Variants in SFRP5 observed in about 807,000 individuals in gnomAD.
SFRP5 encodes secreted frizzled related protein 5.
SFRP5 carries 22 observed loss-of-function variants against 27.0 expected under a neutral mutation model. The observed-to-expected ratio is 0.82, with a 90% CI of 0.58 to 1.17. The LOEUF (loss-of-function observed/expected upper bound fraction) is 1.17. SFRP5 is among the 50% of genes most tolerant of loss of function. The pLI is 0.00. For synonymous variants in SFRP5, 171 were observed against 195.0 expected (o/e 0.88, Z 1.03); for missense variants, 406 against 436.6 (o/e 0.93, Z 0.63).
At chr10:97,770,032 C>G (rs927577758) in intron 1 of SFRP5, among the ~76,000 whole-genome samples, 8 of 152,196 alleles carry the variant, frequency 5.3e-5, no homozygotes, top group Admixed American at 2.0e-4. Context: ...TAAATTTTAT[C>G]TCCTCTCATC....
chr10:97,769,333 G>C (rs2049503057), intron 2 of SFRP5, among the ~76,000 whole-genome samples: 1 of 152,182 alleles, frequency 6.6e-6, no homozygotes, highest in South Asian at 2.1e-4. Flanking sequence ...TCCATCTCTG[G>C]GCTAAGCCTG....
In SFRP5 at chr10:97,769,689, G is replaced by T; in HGVS notation, c.586C>A (p.Gln196Lys). Residue 196 changes from glutamine to lysine, a missense_variant, in exon 2 of 3, where the codon CAG becomes AAG. Transcript: ENST00000266066. ...MEHSADGLMEQMCSSDFVVKM... is the reference protein window; with the variant it reads ...MEHSADGLMEKMCSSDFVVKM... The stretch of plus-strand genomic sequence containing the variant: ...TCACCAAAGTCACTGGAGCACATCT[G>T]CTCCATGAGGCCGTCAGCACTGTGC... The T allele has an allele frequency of 6.2e-7, 1 of 1,612,910 alleles. No individual in the cohort carries two copies. The highest frequency in any genetic ancestry group is 8.5e-7 in the Non-Finnish European group (1 of 1,179,444).
rs2049493123 is a variant in SFRP5, at chr10:97,767,707, G to A, written c.761C>T (p.Pro254Leu). 6.2e-7 allele frequency: 1 copy of A among 1,613,856 alleles called. No homozygotes were observed. The highest frequency in any genetic ancestry group is 1.3e-5 in the African/African-American group (1 of 74,928). Reference sequence around the variant, plus strand: ...CGCCAGGCTGTCCAGCTGTGGGCAGGGGCAGCCCGCGCCATTCTTCATGTG... The same window carrying A: ...CGCCAGGCTGTCCAGCTGTGGGCAGAGGCAGCCCGCGCCATTCTTCATGTG... ...VLHMKNGAGC[P>L]CPQLDSLAGS... Residue 254 changes from proline to leucine, a missense_variant, in exon 3 of 3, where the codon CCC becomes CTC. Transcript: ENST00000266066.
At chr10:97,768,122 C>G (rs542007884) in intron 2 of SFRP5, among the ~76,000 whole-genome samples, 1 of 152,182 alleles carries the variant, frequency 6.6e-6, no homozygotes, top group East Asian at 1.9e-4. Flanking sequence ...CTGCGTGAAT[C>G]GAGAGTCCAA....
At chr10:97,769,636 C>T (rs780490542) in intron 2 of SFRP5, 32 bp downstream of exon 2, 44 of 1,498,788 alleles carry the variant, frequency 2.9e-5, no homozygotes, top group South Asian at 2.4e-4. Flanking sequence ...GGGGTGATGT[C>T]GGGGCAGTGG....
chr10:97,770,637 C>G (rs555691837), intron 1 of SFRP5, among the ~76,000 whole-genome samples: 1 of 152,300 alleles, frequency 6.6e-6, no homozygotes, highest in South Asian at 2.1e-4. Flanking sequence ...TCAGTGAAGT[C>G]AAGCAACTTG....
rs2136471715 is a variant in SFRP5 at position 97,767,824 on chromosome 10, T to C, written c.644A>G (p.Asn215Ser). Residue 215 changes from asparagine to serine, a missense_variant, in exon 3 of 3, where the codon AAT (asparagine) becomes AGT (serine). Transcript: ENST00000266066. ...GGCTCCAATCAGCTTCCGGTCCCCA[T>C]TCTCTATCTTGATCTCCTTGATGCG... ...KMRIKEIKIE[N>S]GDRKLIGAQK... 3 of 1,533,908 alleles carry C rather than the reference T, an allele frequency of 2.0e-6. 1 individual carries two copies. In the East Asian group the frequency reaches 6.8e-5, roughly 35 times the overall value.
At position 97,771,182 on chromosome 10, in the gene SFRP5, G is replaced by A; in HGVS notation, c.529+123C>T. ...TTCCGGGGACGCTGGGCTGAGCTAGGACAGCGTGTGTGTGTGTGTGTGGGC... is the reference window on the plus strand; with the variant it reads ...TTCCGGGGACGCTGGGCTGAGCTAGAACAGCGTGTGTGTGTGTGTGTGGGC... On this transcript the variant is annotated intron_variant, in intron 1 of 2. Coordinates refer to ENST00000266066, the MANE Select transcript of SFRP5 (RefSeq NM_003015.3). This position sits in a 1 kb window ranked among gnomAD's most constrained non-coding sequence, Gnocchi z 5.2. The A allele has an allele frequency of 1.6e-6, 1 of 632,924 alleles. No individual in the cohort carries two copies. The allele number at this position is 632,924 out of a possible 1,614,324, so 39.2% of individuals were successfully genotyped here. A position where few individuals can be genotyped will look rare whatever the true frequency, so the allele number is the denominator to read the frequency against.
chr10:97,769,389 G>C (rs2136472533), intron 2 of SFRP5, among the ~76,000 whole-genome samples: 1 of 152,360 alleles, frequency 6.6e-6, no homozygotes, highest in South Asian at 2.1e-4. Flanking sequence ...CTCTGAAAAT[G>C]ACACCAAGGG....
At position 97,771,415 on chromosome 10, in the gene SFRP5, T is replaced by A; in HGVS notation, c.419A>T (p.Glu140Val). Reference sequence around the variant, plus strand: ...CTCAGGCCAGGGGAAGCCGTAGGCCTCCATGAGCGGCGCGCAGCCGGCGCG... The same window carrying A: ...CTCAGGCCAGGGGAAGCCGTAGGCCACCATGAGCGGCGCGCAGCCGGCGCG... ...AVRAGCAPLMEAYGFPWPEML... is the reference protein window; with the variant it reads ...AVRAGCAPLMVAYGFPWPEML... Residue 140 changes from glutamate to valine, a missense_variant, in exon 1 of 3, where the codon GAG (glutamate) becomes GTG (valine). Coordinates refer to ENST00000266066, the MANE Select transcript of SFRP5 (RefSeq NM_003015.3). The surrounding 1 kb of genome is among the most constrained non-coding windows in gnomAD (Gnocchi z 5.2). 3 of 1,612,974 alleles carry A rather than the reference T, an allele frequency of 1.9e-6. No individual in the cohort carries two copies. The highest frequency in any genetic ancestry group is 2.5e-6 in the Non-Finnish European group (3 of 1,179,548).
At chr10:97,767,922 G>T in intron 2 of SFRP5, 62 bp from the exon 3 acceptor site, 1 of 1,292,284 alleles carries the variant, frequency 7.7e-7, no homozygotes, top group Non-Finnish European at 1.1e-6. Flanking sequence ...ATGCTGGTGG[G>T]CACAGAGTTG....
Position 97,767,519 on chromosome 10 carries a change from G to A in SFRP5, c.949C>T (p.His317Tyr). The change falls in exon 3 of 3, where the codon CAC (histidine) becomes TAC (tyrosine). Residue 317 changes from histidine to tyrosine, a missense_variant. Transcript: ENST00000266066. The stretch of plus-strand genomic sequence containing the variant: ...AGGGCAAGGAGGAGTGCCCTTCAGT[G>A]GGGCTCTGCCGCCCCGTAGAAGAAA... Reference protein sequence around the residue: ...YPFFYGAAEPH With the variant: ...YPFFYGAAEPY The A allele has an allele frequency of 6.2e-7, 1 of 1,601,354 alleles. No individual in the cohort carries two copies. The highest frequency in any genetic ancestry group is 8.5e-7 in the Non-Finnish European group (1 of 1,173,338).
chr10:97,771,779 G>T lies in SFRP5; in HGVS notation c.55C>A (p.Leu19Met). The T allele has an allele frequency of 6.8e-7, 1 of 1,464,230 alleles. No individual in the cohort carries two copies. Among genetic ancestry groups the T allele is most frequent in the Non-Finnish European group, 9.0e-7 (1 of 1,112,398 alleles). 90.7% of individuals were successfully genotyped at this position (1,464,230 alleles called of 1,614,324 possible). The change falls in exon 1 of 3, where the codon CTG (leucine) becomes ATG (methionine). Residue 19 changes from leucine to methionine, a missense_variant. Transcript: ENST00000266066. This position sits in a 1 kb window ranked among gnomAD's most constrained non-coding sequence, Gnocchi z 5.2. ...GVRTAALALL[L>M]GALHWAPARC... ...GCCGGCGCCCAGTGCAGCGCCCCCA[G>T]CAGCAGCGCCAGCGCGGCCGTCCGC...
intron 2 of SFRP5, among the ~76,000 whole-genome samples, chr10:97,768,136 C>G (rs138444240): frequency 4.6e-5 from 7 of 152,202 alleles, no homozygotes; most frequent in African/African-American, 1.7e-4. Flanking sequence ...AGTCCAAGCC[C>G]TTCTGAGACA....
intron 2 of SFRP5, 120 bp downstream of exon 2, chr10:97,769,548 A>G (rs2049504251): frequency 2.9e-6 from 2 of 690,534 alleles, no homozygotes; most frequent in Admixed American, 4.6e-5. Context: ...AACGGGAGCC[A>G]TGATGCAAAA....
Position 97,767,828 on chromosome 10 carries a change from C to T in SFRP5, c.640G>A (p.Glu214Lys). 1 of 1,530,520 alleles carries T rather than the reference C, an allele frequency of 6.5e-7. No individual in the cohort carries two copies. The highest frequency in any genetic ancestry group is 8.8e-7 in the Non-Finnish European group (1 of 1,142,772). The allele number at this position is 1,530,520 out of a possible 1,614,324, so 94.8% of individuals were successfully genotyped here. A position where few individuals can be genotyped will look rare whatever the true frequency, so the allele number is the denominator to read the frequency against. The change falls in exon 3 of 3, where the codon GAG (glutamate) becomes AAG (lysine). Residue 214 changes from glutamate (E) to lysine (K), a missense_variant. Transcript: ENST00000266066. ...CCAATCAGCTTCCGGTCCCCATTCTCTATCTTGATCTCCTTGATGCGCATT... is the reference window on the plus strand; with the variant it reads ...CCAATCAGCTTCCGGTCCCCATTCTTTATCTTGATCTCCTTGATGCGCATT... Reference protein sequence around the residue: ...VKMRIKEIKIENGDRKLIGAQ... With the variant: ...VKMRIKEIKIKNGDRKLIGAQ...
chr10:97,771,928 A>C lies in SFRP5; in HGVS notation c.-95T>G. ...GGCGTGCGCCCCCGGCCCTGACTCTACCCAGCCGCCGCCGCCGCCGCCGCG... is the reference window on the plus strand; with the variant it reads ...GGCGTGCGCCCCCGGCCCTGACTCTCCCCAGCCGCCGCCGCCGCCGCCGCG... On this transcript the variant is annotated 5_prime_UTR_variant, in exon 1 of 3. Coordinates refer to ENST00000266066, the MANE Select transcript of SFRP5 (RefSeq NM_003015.3). This position sits in a 1 kb window ranked among gnomAD's most constrained non-coding sequence, Gnocchi z 5.2. 2.3e-6 allele frequency: 2 copies of C among 867,214 alleles called. No homozygotes were observed. The highest frequency in any genetic ancestry group is 1.2e-4 in the East Asian group (1 of 8,594). The allele number at this position is 867,214 out of a possible 1,614,324, so 53.7% of individuals were successfully genotyped here.
rs1445768132 is a variant in SFRP5, at chr10:97,767,643, C to T, written c.825G>A (p.Gln275=). ...FLVMGRKVDG[Q]LLLMAVYRWD... is the part of the protein sequence containing the mutation. ...AGCGGTAGACGGCCATGAGCAGCAGCTGTCCATCCACTTTGCGGCCCATGA... is the reference window on the plus strand; with the variant it reads ...AGCGGTAGACGGCCATGAGCAGCAGTTGTCCATCCACTTTGCGGCCCATGA... The change falls in exon 3 of 3, where the codon CAG becomes CAA. Residue 275 remains glutamine, a synonymous_variant. Coordinates refer to ENST00000266066, the MANE Select transcript of SFRP5 (RefSeq NM_003015.3). 1 of 1,613,956 alleles carries T rather than the reference C, an allele frequency of 6.2e-7. No homozygotes were observed. Among genetic ancestry groups the T allele is most frequent in the African/African-American group, 1.3e-5 (1 of 74,942 alleles).
chr10:97,767,414 T>G lies in SFRP5; in HGVS notation c.*100A>C. 1.1e-6 allele frequency: 1 copy of G among 904,124 alleles called. No homozygotes were observed. The highest frequency in any genetic ancestry group is 1.7e-6 in the Non-Finnish European group (1 of 601,486). The allele number at this position is 904,124 out of a possible 1,614,324, so 56.0% of individuals were successfully genotyped here. A position where few individuals can be genotyped will look rare whatever the true frequency, so the allele number is the denominator to read the frequency against. On this transcript the variant is annotated 3_prime_UTR_variant, in exon 3 of 3. Coordinates refer to ENST00000266066, the MANE Select transcript of SFRP5 (RefSeq NM_003015.3). Reference sequence around the variant, plus strand: ...CTTAGGCCTTGTGCCAGTAACAACATTCGTGAAAACACCCTCCAGTAGGGC... The same window carrying G: ...CTTAGGCCTTGTGCCAGTAACAACAGTCGTGAAAACACCCTCCAGTAGGGC...
Sources: gnomAD v4.1 joint callset for allele counts (sites outside exome capture counted in the v4.1 genomes callset) on GRCh38, gnomAD v4.1.1 for gene constraint, Gnocchi (gnomAD v3.1) non-coding constraint, MANE v1.5 for transcripts, NCBI Gene and HGNC (gene_info 2026-07-23, HGNC 2026-07-21) for gene names.